Variants in DCTN4 observed in about 807,000 individuals in gnomAD.
DCTN4 encodes the protein dynactin subunit 4.
DCTN4 carries 23 observed loss-of-function variants against 62.7 expected under a neutral mutation model. The ratio of observed to expected loss-of-function variants is 0.37; its 90% CI spans 0.26 to 0.52. DCTN4 has a LOEUF of 0.52. Ranked by LOEUF, DCTN4 falls within the 20% of genes least tolerant of loss-of-function variation. DCTN4 has a pLI of 0.92. For missense variants in DCTN4, 514 were observed against 580.4 expected (o/e 0.89, Z 1.18); for synonymous variants, 199 against 202.1 (o/e 0.98, Z 0.13).
intron 3 of DCTN4, among the ~76,000 whole-genome samples, chr5:150,749,681 T>C (rs1390136156): frequency 6.6e-6 from 1 of 151,814 alleles, no homozygotes; most frequent in East Asian, 1.9e-4. Context: ...ATAAAAATAG[T>C]TTGGCAGCTT....
Position 150,733,294 on chromosome 5 carries a change from T to C in DCTN4, c.537+74A>G, listed in dbSNP as rs562685418. 6 of 1,048,436 alleles carry C rather than the reference T, an allele frequency of 5.7e-6. No individual in the cohort carries two copies. The African/African-American group carries it at 6.3e-5, about 11-fold the overall frequency. 64.9% of individuals were successfully genotyped at this position (1,048,436 alleles called of 1,614,324 possible). On this transcript the variant is annotated intron_variant, in intron 5 of 12. Coordinates refer to ENST00000447998, the MANE Select transcript of DCTN4 (RefSeq NM_016221.4). ...TCCACCATTCAGGAATCTAGGACAATGGCCATTTTCTGAAATGATCACTGT... is the reference window on the plus strand; with the variant it reads ...TCCACCATTCAGGAATCTAGGACAACGGCCATTTTCTGAAATGATCACTGT...
chr5:150,716,579 G>A (rs1450407345), intron 11 of DCTN4, among the ~76,000 whole-genome samples: 1 of 152,058 alleles, frequency 6.6e-6, no homozygotes, highest in East Asian at 1.9e-4. Flanking sequence ...TATGCATCAG[G>A]TACTTATTTC....
Position 150,758,859 on chromosome 5 carries a change from C to T in DCTN4, c.135G>A (p.Glu45=). The change falls in exon 1 of 13, where the codon GAG becomes GAA. Residue 45 remains glutamate, a splice_region_variant and synonymous_variant. Coordinates refer to ENST00000447998, the MANE Select transcript of DCTN4 (RefSeq NM_016221.4). ...ACTCGCTATAGGGCGACTCTGTTAC[C>T]TCGTGAGACACACATTCCAGCGACC... ...ELRSLECVSH[E]VDSHYCPSCL... is the part of the protein sequence containing the mutation. 1.2e-6 allele frequency: 2 copies of T among 1,614,012 alleles called. No homozygotes were observed. The highest frequency in any genetic ancestry group is 1.7e-6 in the Non-Finnish European group (2 of 1,179,952).
At chr5:150,719,667 A>G in intron 10 of DCTN4, 49 bp downstream of exon 10, 2 of 1,341,452 alleles carry the variant, frequency 1.5e-6, no homozygotes, top group Non-Finnish European at 2.1e-6. Flanking sequence ...ACATGTACAC[A>G]CATCATTGAT....
In DCTN4 at chr5:150,715,605, C is replaced by T. The variant is rs1287970521; in HGVS notation, c.1129G>A (p.Asp377Asn). ...AAGTCTTGAGGTTCTGCCAACTCAT[C>T]GTACTCTGCTGCTGCATCCTTGCCA... ...LAGKDAAAEY[D>N]ELAEPQDFQD... is the part of the protein sequence containing the mutation. The change falls in exon 12 of 13, where the codon GAT (aspartate) becomes AAT (asparagine). Residue 377 changes from aspartate to asparagine, a missense_variant. Physicochemically the swap from Asp to Asn is conservative, Grantham distance 23. Transcript: ENST00000447998. 14 of 1,614,176 alleles carry T rather than the reference C, an allele frequency of 8.7e-6. No individual in the cohort carries two copies. Among genetic ancestry groups the T allele is most frequent in the Non-Finnish European group, 1.2e-5 (14 of 1,180,024 alleles).
intron 2 of DCTN4, chr5:150,755,541 C>G (rs1488236723): frequency 2.2e-6 from 1 of 456,152 alleles, no homozygotes; most frequent in Non-Finnish European, 4.4e-6. Flanking sequence ...CTCTGTGGTT[C>G]TCCTCCGCAA....
At chr5:150,735,912 A>G (rs997891428) in intron 4 of DCTN4, among the ~76,000 whole-genome samples, 1 of 135,918 alleles carries the variant, frequency 7.4e-6, no homozygotes, top group Non-Finnish European at 1.5e-5. Context: ...ACTTAAGGGA[A>G]TTAAAAAAAA....
At position 150,722,998 on chromosome 5, in the gene DCTN4, A is replaced by G. The variant is rs1280226307; in HGVS notation, c.835-18T>C. 2.6e-6 allele frequency: 4 copies of G among 1,557,454 alleles called. No homozygotes were observed. The highest frequency in any genetic ancestry group is 2.3e-5 in the South Asian group (2 of 88,782). On this transcript the variant is annotated intron_variant, in intron 8 of 12. Coordinates refer to ENST00000447998, the MANE Select transcript of DCTN4 (RefSeq NM_016221.4). ...TCACATTTCTAAAAAGAAAACAAAT[A>G]TAACACGTATCAGAAGACAACAACA...
chr5:150,742,133 T>C lies in DCTN4; in HGVS notation c.410A>G (p.Glu137Gly). 7 of 1,614,108 alleles carry C rather than the reference T, an allele frequency of 4.3e-6. No individual in the cohort carries two copies. The highest frequency in any genetic ancestry group is 5.9e-6 in the Non-Finnish European group (7 of 1,179,958). Residue 137 changes from glutamate (E) to glycine (G), a missense_variant, in exon 4 of 13, where the codon GAA (glutamate) becomes GGA (glycine). Physicochemically the swap from Glu to Gly is moderately conservative, Grantham distance 98 (BLOSUM62 -2). Transcript: ENST00000447998. ...SVASGGWQEP[E>G]NPHTQRMNKL... Reference sequence around the variant, plus strand: ...ACTTACCCGTTGTGTGTGAGGATTTTCAGGTTCCTGCCAACCGCCACTAGC... The same window carrying C: ...ACTTACCCGTTGTGTGTGAGGATTTCCAGGTTCCTGCCAACCGCCACTAGC...
chr5:150,715,684 C>G lies in DCTN4; in HGVS notation c.1072-22G>C. 4 of 1,603,618 alleles carry G rather than the reference C, an allele frequency of 2.5e-6. No homozygotes were observed. In the South Asian group the frequency reaches 4.4e-5, roughly 18 times the overall value. On this transcript the variant is annotated intron_variant, in intron 11 of 12. Coordinates refer to ENST00000447998, the MANE Select transcript of DCTN4 (RefSeq NM_016221.4). ...CCACCTGGAGAGCAACACAGAGAGG[C>G]CTGCCTGAGAAGGGACCAGTGTGAC...
At chr5:150,733,580 T>C (rs1760466658) in intron 4 of DCTN4, 105 bp from the exon 5 acceptor site, 4 of 686,926 alleles carry the variant, frequency 5.8e-6, no homozygotes, top group Non-Finnish European at 9.1e-6. Flanking sequence ...AGACAAATTA[T>C]TAAGATGGGC....
intron 4 of DCTN4, 105 bp downstream of exon 4, chr5:150,742,008 TG>T: frequency 6.4e-6 from 6 of 938,122 alleles, no homozygotes; most frequent in Non-Finnish European, 1.1e-5. Flanking sequence ...AGACGTATTA[TG>T]GACTTATAAA....
intron 2 of DCTN4, chr5:150,755,400 G>T (rs1251758756): frequency 2.7e-6 from 1 of 367,794 alleles, no homozygotes; most frequent in Non-Finnish European, 5.3e-6. Context: ...AAAAAAGAAG[G>T]AAAAGCAGTA....
At chr5:150,716,465 C>G (rs1759760651) in intron 11 of DCTN4, among the ~76,000 whole-genome samples, 1 of 152,124 alleles carries the variant, frequency 6.6e-6, no homozygotes, top group African/African-American at 2.4e-5. Context: ...CTCAACTTTG[C>G]TCTATCAGAG....
chr5:150,750,593 G>A (rs959909629), intron 3 of DCTN4, among the ~76,000 whole-genome samples: 3 of 152,188 alleles, frequency 2.0e-5, no homozygotes, highest in African/African-American at 7.2e-5. Context: ...AGTAAACTGT[G>A]GTGAGTCATA....
chr5:150,747,591 G>C (rs977148170), intron 3 of DCTN4, among the ~76,000 whole-genome samples: 1 of 152,100 alleles, frequency 6.6e-6, no homozygotes, highest in African/African-American at 2.4e-5. Flanking sequence ...CCAAAACAGA[G>C]ATGTAGATCA....
intron 9 of DCTN4, among the ~76,000 whole-genome samples, chr5:150,721,405 A>C (rs527528839): frequency 6.6e-6 from 1 of 152,216 alleles, no homozygotes; most frequent in African/African-American, 2.4e-5. Context: ...TTTCTACAGA[A>C]TATATCCCTG....
chr5:150,717,156 T>G (rs1759791435), intron 11 of DCTN4, among the ~76,000 whole-genome samples: 2 of 152,200 alleles, frequency 1.3e-5, no homozygotes, highest in African/African-American at 4.8e-5. Context: ...GCTCTTGTTC[T>G]AAAATTTCAA....
intron 4 of DCTN4, among the ~76,000 whole-genome samples, chr5:150,738,750 G>A (rs1212995031): frequency 2.0e-5 from 3 of 152,166 alleles, no homozygotes; most frequent in Non-Finnish European, 2.9e-5. Context: ...AGTACTGGAA[G>A]TCTTAGCCAG....
Sources: gnomAD v4.1 joint callset for allele counts (sites outside exome capture counted in the v4.1 genomes callset) on GRCh38, gnomAD v4.1.1 for gene constraint, MANE v1.5 for transcripts, NCBI Gene and HGNC (gene_info 2026-07-23, HGNC 2026-07-21) for gene names.